The following GARIN2 variants were observed in gnomAD, a reference collection of about 807,000 sequenced individuals.
GARIN2 encodes the protein golgi associated RAB2 interactor family member 2, also known as Golgi-associated RAB2 interactor protein 2.
At chr14:67,209,189 C>T in the GARIN2 span, among the ~76,000 whole-genome samples, 1 of 152,136 alleles carries the variant, frequency 6.6e-6, no homozygotes, top group South Asian at 2.1e-4. Context: ...ATTGGGGATA[C>T]AGCAGCAAAA....
the GARIN2 span, among the ~76,000 whole-genome samples, chr14:67,209,523 G>A: frequency 1.3e-5 from 2 of 152,114 alleles, no homozygotes; most frequent in African/African-American, 2.4e-5. Flanking sequence ...ACAGAGTGGA[G>A]GGAAAAGCAT....
the GARIN2 span, among the ~76,000 whole-genome samples, chr14:67,214,605 C>T: frequency 1.3e-5 from 2 of 152,054 alleles, no homozygotes; most frequent in Non-Finnish European, 2.9e-5. Context: ...AGCGTGGTGC[C>T]TCCAGCTTTG....
chr14:67,199,094 G>C, the GARIN2 span: 6 of 1,086,678 alleles, frequency 5.5e-6, no homozygotes, highest in African/African-American at 7.7e-5. Context: ...AGCGGAACCA[G>C]GATGCCACTG....
the GARIN2 span, among the ~76,000 whole-genome samples, chr14:67,191,473 A>G: frequency 6.6e-6 from 1 of 152,148 alleles, no homozygotes; most frequent in Non-Finnish European, 1.5e-5. Flanking sequence ...GCCAACCAAG[A>G]CAGTGCAACA....
At chr14:67,199,774 T>G in the GARIN2 span, 6 of 1,528,012 alleles carry the variant, frequency 3.9e-6, no homozygotes, top group Non-Finnish European at 5.3e-6. Flanking sequence ...CAGGCATGCC[T>G]CCTCCTGGCT....
At chr14:67,212,681 T>G in the GARIN2 span, among the ~76,000 whole-genome samples, 4 of 130,598 alleles carry the variant, frequency 3.1e-5, no homozygotes, top group Non-Finnish European at 5.1e-5. Flanking sequence ...TACATACAAA[T>G]AAATGTATAC....
chr14:67,224,798 T>C, the GARIN2 span: 5 of 255,416 alleles, frequency 2.0e-5, no homozygotes, highest in East Asian at 6.2e-4. Flanking sequence ...TCCATGTTCC[T>C]CTTAAATATT....
At chr14:67,201,960 T>C in the GARIN2 span, among the ~76,000 whole-genome samples, 1 of 152,138 alleles carries the variant, frequency 6.6e-6, no homozygotes, top group Non-Finnish European at 1.5e-5. Context: ...TACATGCTGT[T>C]CCTCTGCCTG....
the GARIN2 span, chr14:67,225,118 T>A: frequency 7.6e-6 from 12 of 1,574,098 alleles, no homozygotes; most frequent in Non-Finnish European, 1.0e-5. Flanking sequence ...TTCCCTCTAG[T>A]TCTCTCCCCT....
At chr14:67,208,178 T>C in the GARIN2 span, 1 of 1,611,962 alleles carries the variant, frequency 6.2e-7, no homozygotes, top group South Asian at 1.1e-5. Flanking sequence ...TTACCTGATT[T>C]GCTGCTGCTT....
chr14:67,225,954 TGTGTGTGTGCGCGCGC>T, the GARIN2 span, among the ~76,000 whole-genome samples: 262 of 138,092 alleles, frequency 1.9e-3, 1 homozygote, highest in African/African-American at 7.5e-3. Context: ...TGTGTGTGTG[TGTGTGTGTGCGCGCGC>T]GCGCGTGCGC....
At chr14:67,222,935 C>G in the GARIN2 span, among the ~76,000 whole-genome samples, 99 of 150,560 alleles carry the variant, frequency 6.6e-4, no homozygotes, top group African/African-American at 2.4e-3. Flanking sequence ...CCACAAAAAA[C>G]AGCAAATCAT....
the GARIN2 span, among the ~76,000 whole-genome samples, chr14:67,220,656 A>G: frequency 6.6e-6 from 1 of 152,202 alleles, no homozygotes; most frequent in Non-Finnish European, 1.5e-5. Context: ...CAGTAGTCCT[A>G]CCATGGCTCT....
At chr14:67,204,729 G>T in the GARIN2 span, 1 of 1,613,964 alleles carries the variant, frequency 6.2e-7, no homozygotes, top group Non-Finnish European at 8.5e-7. Context: ...TTTCCAAAGT[G>T]TCGGAGGTTT....
chr14:67,189,502 A>T, the GARIN2 span: 6 of 152,166 alleles, frequency 3.9e-5, no homozygotes, highest in South Asian at 2.1e-4. Context: ...GAAACGTGCT[A>T]TTTGGAGGTT....
chr14:67,223,626 C>A, the GARIN2 span: 1 of 693,594 alleles, frequency 1.4e-6, no homozygotes, highest in Non-Finnish European at 1.8e-6. Flanking sequence ...AAGGGTGGCA[C>A]AACTTACAAA....
At chr14:67,197,546 T>C in the GARIN2 span, among the ~76,000 whole-genome samples, 1 of 149,300 alleles carries the variant, frequency 6.7e-6, no homozygotes, top group Admixed American at 6.7e-5. Context: ...GTGGTCCCCT[T>C]GGCAGCAGGG....
chr14:67,198,235 A>G, the GARIN2 span: 1 of 1,613,964 alleles, frequency 6.2e-7, no homozygotes, highest in African/African-American at 1.3e-5. Flanking sequence ...CACTCCCATG[A>G]TCCGAGAGAT....
chr14:67,192,794 G>A, the GARIN2 span, among the ~76,000 whole-genome samples: 1 of 146,092 alleles, frequency 6.8e-6, no homozygotes, highest in African/African-American at 2.5e-5. Flanking sequence ...ATGTATGTGT[G>A]TGTATATATA....
Sources: allele counts gnomAD v4.1 joint callset (sites outside exome capture counted in the v4.1 genomes callset), GRCh38; gene constraint gnomAD v4.1.1; transcripts MANE v1.5; gene names NCBI Gene and HGNC (gene_info 2026-07-23, HGNC 2026-07-21).